Variants in KIAA0232 observed in about 807,000 individuals in gnomAD.
KIAA0232 encodes uncharacterized protein KIAA0232.
KIAA0232 carries 27 observed loss-of-function variants against 122.0 expected under a neutral mutation model. The ratio of observed to expected loss-of-function variants is 0.22; its 90% CI spans 0.16 to 0.31. The LOEUF (loss-of-function observed/expected upper bound fraction) is 0.31, where lower values mean the gene tolerates loss of function less well. Among genes scored for constraint, KIAA0232 ranks in the 10% least tolerant of loss-of-function variants. The pLI, the probability that KIAA0232 is intolerant of heterozygous loss-of-function variation, is 1.00. For synonymous variants in KIAA0232, 613 were observed against 587.6 expected (o/e 1.04, Z -0.63); for missense variants, 1,551 against 1,634.2 (o/e 0.95, Z 0.88).
chr4:6,882,831 C>G lies in KIAA0232; in HGVS notation c.*1865C>G, dbSNP rs893020737. Reference sequence around the variant, plus strand: ...TGAAAGTTGTAAATTCCTCATATCACTACAGTGACGATTATTCTAGAAATC... The same window carrying G: ...TGAAAGTTGTAAATTCCTCATATCAGTACAGTGACGATTATTCTAGAAATC... On this transcript the variant is annotated 3_prime_UTR_variant, in exon 10 of 10. Coordinates refer to ENST00000307659, the MANE Select transcript of KIAA0232 (RefSeq NM_014743.3). The G allele has an allele frequency of 6.6e-6, 1 of 152,660 alleles. No individual in the cohort carries two copies. The highest frequency in any genetic ancestry group is 1.5e-5 in the Non-Finnish European group (1 of 68,042). 9.5% of individuals were successfully genotyped at this position (152,660 alleles called of 1,614,324 possible). A position where few individuals can be genotyped will look rare whatever the true frequency, so the allele number is the denominator to read the frequency against.
intron 1 of KIAA0232, among the ~76,000 whole-genome samples, chr4:6,795,055 C>T (rs1717068901): frequency 6.7e-6 from 1 of 149,616 alleles, no homozygotes; most frequent in African/African-American, 2.6e-5. Flanking sequence ...AATAAGGCAG[C>T]CACAAGCCAC....
At chr4:6,788,999 C>G (rs1162790205) in intron 1 of KIAA0232, among the ~76,000 whole-genome samples, 1 of 151,620 alleles carries the variant, frequency 6.6e-6, no homozygotes, top group East Asian at 1.9e-4. Flanking sequence ...GAGACAGAAT[C>G]TCGCTCTGTC....
chr4:6,808,442 TAG>T (rs1225727580), intron 2 of KIAA0232, among the ~76,000 whole-genome samples: 2 of 147,920 alleles, frequency 1.4e-5, no homozygotes, highest in African/African-American at 5.0e-5. Flanking sequence ...GTTAAAAATA[TAG>T]AGAGTTCAAG....
intron 8 of KIAA0232, among the ~76,000 whole-genome samples, chr4:6,875,618 G>C (rs1721710243): frequency 6.6e-6 from 1 of 152,198 alleles, no homozygotes. Context: ...TTGTCCTTTG[G>C]GGTGTTGTGC....
chr4:6,821,685 T>C (rs1380479961), intron 2 of KIAA0232, among the ~76,000 whole-genome samples: 2 of 56,332 alleles, frequency 3.6e-5, no homozygotes, highest in Non-Finnish European at 9.0e-5. Context: ...TACATGTATA[T>C]ATGTGTGTGT....
chr4:6,821,779 C>T (rs1718437959), intron 2 of KIAA0232, among the ~76,000 whole-genome samples: 1 of 151,596 alleles, frequency 6.6e-6, no homozygotes, highest in East Asian at 1.9e-4. Flanking sequence ...TGGGCTGGTA[C>T]CATATTTTTG....
In KIAA0232 at chr4:6,862,220, G is replaced by C. The variant is rs749464651; in HGVS notation, c.1838G>C (p.Arg613Thr). 5.6e-6 allele frequency: 9 copies of C among 1,614,032 alleles called. No homozygotes were observed. The highest frequency in any genetic ancestry group is 1.3e-5 in the African/African-American group (1 of 74,920). Residue 613 changes from arginine to threonine, a missense_variant, in exon 7 of 10, where the codon AGA becomes ACA. By Grantham distance (71) the Arg-to-Thr change is moderately conservative. Around this residue, in one of 5 missense-constraint regions of KIAA0232, gnomAD observed 1,108 missense variants for 1,154.8 expected, o/e 0.96. Coordinates refer to ENST00000307659, the MANE Select transcript of KIAA0232 (RefSeq NM_014743.3). ...AGTTTTGGAGGAGACTCTCCAGTTAGACTCTCTCCCATCTTAGACAGCACA... is the reference window on the plus strand; with the variant it reads ...AGTTTTGGAGGAGACTCTCCAGTTACACTCTCTCCCATCTTAGACAGCACA... The part of the protein sequence containing the change: ...GESFGGDSPV[R>T]LSPILDSTVL...
Position 6,861,620 on chromosome 4 carries a change from C to G in KIAA0232, c.1238C>G (p.Pro413Arg). 6.2e-7 allele frequency: 1 copy of G among 1,613,992 alleles called. No homozygotes were observed. The highest frequency in any genetic ancestry group is 8.5e-7 in the Non-Finnish European group (1 of 1,180,012). Residue 413 changes from proline to arginine, a missense_variant, in exon 7 of 10, where the codon CCT becomes CGT. This residue lies in a region of KIAA0232 where 1,108 missense variants were observed against 1,154.8 expected (regional missense o/e 0.96). Transcript: ENST00000307659. ...GAGCCAATTGCTGAATATTTTGTTC[C>G]TCTGAGCAGAAAAAGTAAACTAGAG... ...YTEPIAEYFV[P>R]LSRKSKLETT... is the part of the protein sequence containing the mutation.
At chr4:6,851,442 TCATGCCTGTAATCC>T (rs1720278570) in intron 4 of KIAA0232, among the ~76,000 whole-genome samples, 1 of 152,108 alleles carries the variant, frequency 6.6e-6, no homozygotes, top group Admixed American at 6.5e-5. Flanking sequence ...GTGCGATGGC[TCATGCCTGTAATCC>T]CAGCACTTTG....
Position 6,862,551 on chromosome 4 carries a change from C to A in KIAA0232, c.2169C>A (p.Asp723Glu). 6.2e-7 allele frequency: 1 copy of A among 1,613,406 alleles called. No individual in the cohort carries two copies. The highest frequency in any genetic ancestry group is 8.5e-7 in the Non-Finnish European group (1 of 1,179,726). ...PWSHSEETRS[D>E]NETLNIQFEE... ...CCCATTCAGAAGAAACACGTTCAGACAATGAAACATTAAATATTCAGTTTG... is the reference window on the plus strand; with the variant it reads ...CCCATTCAGAAGAAACACGTTCAGAAAATGAAACATTAAATATTCAGTTTG... Residue 723 changes from aspartate (D) to glutamate (E), a missense_variant, in exon 7 of 10, where the codon GAC (aspartate) becomes GAA (glutamate). Asp to Glu is a conservative substitution (Grantham distance 45, BLOSUM62 2). Transcript: ENST00000307659.
intron 9 of KIAA0232, among the ~76,000 whole-genome samples, chr4:6,879,545 T>G (rs1389342323): frequency 6.6e-6 from 1 of 152,208 alleles, no homozygotes; most frequent in Non-Finnish European, 1.5e-5. Flanking sequence ...TTTTCTGTGC[T>G]TCTGCCTCAG....
At chr4:6,873,294 T>C (rs1721590416) in intron 8 of KIAA0232, among the ~76,000 whole-genome samples, 1 of 152,254 alleles carries the variant, frequency 6.6e-6, no homozygotes, top group Non-Finnish European at 1.5e-5. Flanking sequence ...CCAGAAGTTT[T>C]GCCCTCTACA....
Position 6,862,258 on chromosome 4 carries a change from C to T in KIAA0232, c.1876C>T (p.His626Tyr), listed in dbSNP as rs758972656. Reference protein sequence around the residue: ...PILDSTVLNSHLLAGNQELFS... With the variant: ...PILDSTVLNSYLLAGNQELFS... ...CTTAGACAGCACAGTGCTCAATTCA[C>T]ACCTGCTTGCTGGCAATCAAGAGCT... is the stretch of plus-strand genomic sequence containing the variant. Residue 626 changes from histidine (H) to tyrosine (Y), a missense_variant, in exon 7 of 10, where the codon CAC becomes TAC. This residue lies in a region of KIAA0232 where 1,108 missense variants were observed against 1,154.8 expected (regional missense o/e 0.96). Transcript: ENST00000307659. 3 of 1,614,176 alleles carry T rather than the reference C, an allele frequency of 1.9e-6. No homozygotes were observed. Among genetic ancestry groups the T allele is most frequent in the Non-Finnish European group, 2.5e-6 (3 of 1,180,032 alleles).
chr4:6,849,423 C>G (rs1364159165), intron 4 of KIAA0232, among the ~76,000 whole-genome samples: 4 of 152,186 alleles, frequency 2.6e-5, no homozygotes, highest in Admixed American at 1.3e-4. Context: ...TGAGATCAGC[C>G]TCGCCAACAT....
chr4:6,850,440 T>G (rs11935853), intron 4 of KIAA0232, among the ~76,000 whole-genome samples: 4,192 of 152,306 alleles, frequency 0.028, 214 homozygotes, highest in African/African-American at 0.094. Flanking sequence ...GATTTTGCAT[T>G]TTCTTAAACT....
At chr4:6,815,964 G>A (rs1459933150) in intron 2 of KIAA0232, among the ~76,000 whole-genome samples, 4 of 151,988 alleles carry the variant, frequency 2.6e-5, no homozygotes, top group South Asian at 2.1e-4. Context: ...ACTCTCTATC[G>A]ACAACAAAAA....
In KIAA0232 at chr4:6,881,313, A is replaced by G. The variant is rs770233513; in HGVS notation, c.*347A>G. On this transcript the variant is annotated 3_prime_UTR_variant, in exon 10 of 10. Coordinates refer to ENST00000307659, the MANE Select transcript of KIAA0232 (RefSeq NM_014743.3). ...ACTGCGGTTATATCACTATGACCTT[A>G]CTAGCATTGCAGTGTCAACAACCAC... The G allele has an allele frequency of 6.7e-5, 11 of 164,488 alleles. No homozygotes were observed. The highest frequency in any genetic ancestry group is 1.2e-4 in the Non-Finnish European group (9 of 76,442). 10.2% of individuals were successfully genotyped at this position (164,488 alleles called of 1,614,324 possible). A position where few individuals can be genotyped will look rare whatever the true frequency, so the allele number is the denominator to read the frequency against.
In KIAA0232 at chr4:6,882,628, GT is replaced by G. The variant is rs1457614085; in HGVS notation, c.*1663del. 8 of 73,160 alleles carry G rather than the reference GT, an allele frequency of 1.1e-4. No individual in the cohort carries two copies. Among genetic ancestry groups the G allele is most frequent in the South Asian group, 4.2e-4 (1 of 2,362 alleles). The allele number at this position is 73,160 out of a possible 1,614,324, so 4.5% of individuals were successfully genotyped here. On this transcript the variant is annotated 3_prime_UTR_variant, in exon 10 of 10. Transcript: ENST00000307659. ...TTTTGACACTTTAAGGTGGGTGGGT[GT>G]GTGTGTGTGTGTGTGTGTGCGCGCG... is the stretch of plus-strand genomic sequence containing the variant.
chr4:6,844,118 T>A (rs1220869739), intron 4 of KIAA0232, among the ~76,000 whole-genome samples: 4 of 151,582 alleles, frequency 2.6e-5, no homozygotes, highest in Non-Finnish European at 5.9e-5. Flanking sequence ...TTTTTGTATT[T>A]TTTAGTAGTG....
Sources: gnomAD v4.1 joint callset for allele counts (sites outside exome capture counted in the v4.1 genomes callset) on GRCh38, gnomAD v4.1.1 for gene constraint, gnomAD v4.1.1 regional missense constraint, MANE v1.5 for transcripts, NCBI Gene and HGNC (gene_info 2026-07-23, HGNC 2026-07-21) for gene names.